The following DNAAF4 variants were observed in gnomAD, a reference collection of about 807,000 sequenced individuals.
The protein encoded by DNAAF4 is dynein assembly factor 4, axonemal.
DNAAF4 carries 43 observed loss-of-function variants against 51.8 expected under a neutral mutation model. That is an observed-to-expected ratio of 0.83 (90% CI 0.65 to 1.07). The LOEUF (loss-of-function observed/expected upper bound fraction) is 1.07, where lower values mean the gene tolerates loss of function less well. DNAAF4 is among the 50% of genes least tolerant of loss of function. The probability of loss-of-function intolerance (pLI) is 0.00; values close to 1 mark genes in which losing one functional copy is unlikely to be tolerated. For synonymous variants in DNAAF4, 194 were observed against 165.6 expected, an observed-to-expected ratio of 1.17 and a Z score of -1.32; for missense variants, 581 against 493.0, an observed-to-expected ratio of 1.18 and a Z score of -1.69.
At chr15:55,434,714 G>A (rs1595891790) in intron 8 of DNAAF4, among the ~76,000 whole-genome samples, 191 bp downstream of exon 8, 2 of 151,162 alleles carry the variant, frequency 1.3e-5, no homozygotes, top group Non-Finnish European at 2.9e-5. Flanking sequence ...ATTCATAGAA[G>A]TCACAAAAAA....
At chr15:55,473,213 ATATATATATG>A (rs1405655395) in intron 4 of DNAAF4, among the ~76,000 whole-genome samples, 1 of 127,614 alleles carries the variant, frequency 7.8e-6, no homozygotes, top group Non-Finnish European at 1.7e-5. Context: ...ATATATATAT[ATATATATATG>A]TGTGTGTGTA....
chr15:55,425,454 G>A (rs1204671047), downstream of DNAAF4, among the ~76,000 whole-genome samples: 1 of 152,102 alleles, frequency 6.6e-6, no homozygotes, highest in East Asian at 1.9e-4. Flanking sequence ...ACTTGTCCAT[G>A]CCATATTTGG....
At chr15:55,450,499 A>G in intron 5 of DNAAF4, 132 bp from the exon 6 acceptor site, 1 of 1,066,794 alleles carries the variant, frequency 9.4e-7, no homozygotes, top group Non-Finnish European at 1.3e-6. Flanking sequence ...TTTCTGCAAG[A>G]AAAGAATGCA....
chr15:55,448,413 T>C (rs907367668), intron 6 of DNAAF4, among the ~76,000 whole-genome samples: 3 of 145,700 alleles, frequency 2.1e-5, no homozygotes, highest in Non-Finnish European at 4.5e-5. Context: ...ATGCAGAAGG[T>C]CACTTGAGCC....
intron 5 of DNAAF4, among the ~76,000 whole-genome samples, chr15:55,456,082 CTTTTT>C: frequency 7.1e-6 from 1 of 141,400 alleles, no homozygotes; most frequent in East Asian, 2.0e-4. Context: ...CTAAATATTT[CTTTTT>C]TTTTTTTTTG....
intron 4 of DNAAF4, among the ~76,000 whole-genome samples, chr15:55,469,609 A>G (rs2058222913): frequency 7.0e-6 from 1 of 141,990 alleles, no homozygotes; most frequent in Admixed American, 7.6e-5. Flanking sequence ...CAGCCTCCCG[A>G]GTAGCTGGAA....
intron 5 of DNAAF4, among the ~76,000 whole-genome samples, chr15:55,453,809 C>A (rs1163212387): frequency 6.6e-6 from 1 of 151,882 alleles, no homozygotes; most frequent in East Asian, 1.9e-4. Context: ...CTCGGCCCCC[C>A]AAAGTGCTGG....
chr15:55,455,019 A>G (rs1020404351), intron 5 of DNAAF4, among the ~76,000 whole-genome samples: 1 of 150,158 alleles, frequency 6.7e-6, no homozygotes, highest in African/African-American at 2.4e-5. Context: ...AAACTTTATG[A>G]AAATGAATTT....
intron 5 of DNAAF4, among the ~76,000 whole-genome samples, chr15:55,456,243 C>T (rs1043547476): frequency 1.3e-5 from 2 of 151,788 alleles, no homozygotes; most frequent in East Asian, 1.9e-4. Context: ...CCACCACGTC[C>T]GGCTAGTTTT....
downstream of DNAAF4, among the ~76,000 whole-genome samples, chr15:55,428,430 G>A (rs554594104): frequency 4.0e-5 from 6 of 148,862 alleles, no homozygotes; most frequent in Admixed American, 6.7e-5. Context: ...CAGCTTGGAG[G>A]TTAAAAGCAA....
intron 4 of DNAAF4, among the ~76,000 whole-genome samples, chr15:55,468,716 A>G (rs951847805): frequency 1.3e-5 from 2 of 152,230 alleles, no homozygotes; most frequent in African/African-American, 2.4e-5. Flanking sequence ...TGAATTTTAC[A>G]TGAAGTTTTT....
chr15:55,480,789 A>G (rs2058398696), intron 4 of DNAAF4, among the ~76,000 whole-genome samples: 1 of 152,182 alleles, frequency 6.6e-6, no homozygotes, highest in Non-Finnish European at 1.5e-5. Flanking sequence ...ATGCCTTACA[A>G]AATCAGGTAG....
chr15:55,429,317 C>G (rs182115897), downstream of DNAAF4, among the ~76,000 whole-genome samples: 2 of 149,040 alleles, frequency 1.3e-5, no homozygotes, highest in African/African-American at 5.0e-5. Flanking sequence ...GTCAGCAGTT[C>G]GAGACCAACC....
chr15:55,505,850 G>A (rs2058724534), intron 1 of DNAAF4, among the ~76,000 whole-genome samples: 1 of 152,118 alleles, frequency 6.6e-6, no homozygotes, highest in Non-Finnish European at 1.5e-5. Flanking sequence ...AAACCAACAT[G>A]GCACATGTAT....
chr15:55,436,780 A>G (rs907274739), intron 7 of DNAAF4, among the ~76,000 whole-genome samples: 1 of 152,062 alleles, frequency 6.6e-6, no homozygotes, highest in African/African-American at 2.4e-5. Context: ...TGGCCTCTCA[A>G]AGTGCTGGGA....
chr15:55,440,288 T>C (rs2057687561), intron 6 of DNAAF4, among the ~76,000 whole-genome samples: 1 of 152,104 alleles, frequency 6.6e-6, no homozygotes, highest in Non-Finnish European at 1.5e-5. Context: ...CATGACCTCG[T>C]GATCCACCCA....
At position 55,497,991 on chromosome 15, in the gene DNAAF4, C is replaced by G; in HGVS notation, c.124-132G>C. 5 of 1,345,612 alleles carry G rather than the reference C, an allele frequency of 3.7e-6. No individual in the cohort carries two copies. The South Asian group carries it at 7.4e-5, about 20-fold the overall frequency. The allele number at this position is 1,345,612 out of a possible 1,614,324, so 83.4% of individuals were successfully genotyped here. On this transcript the variant is annotated intron_variant, in intron 2 of 9. Coordinates refer to ENST00000321149, the MANE Select transcript of DNAAF4 (RefSeq NM_130810.4). ...TTTATGCCAGGTAGTGAAAGATTAG[C>G]AAGGCATATGAGGAAGCCCTGGATA...
At chr15:55,437,680 G>C in intron 7 of DNAAF4, among the ~76,000 whole-genome samples, 1 of 152,192 alleles carries the variant, frequency 6.6e-6, no homozygotes, top group Non-Finnish European at 1.5e-5. Context: ...GGTAGAAGGA[G>C]GCAGGAGAGT....
In DNAAF4 at chr15:55,430,734, T is replaced by A; in HGVS notation, c.1199A>T (p.Lys400Ile). Residue 400 changes from lysine (K) to isoleucine (I), a missense_variant, in exon 10 of 10, where the codon AAA becomes ATA. Transcript: ENST00000321149. ...EAALKIDPSNKIVQIDAEKIR... is the reference protein window; with the variant it reads ...EAALKIDPSNIIVQIDAEKIR... ...CTTCTCAGCATCAATTTGTACAATT[T>A]TGTTGGATGGATCAATCTTAAGTGC... 1.2e-6 allele frequency: 2 copies of A among 1,613,500 alleles called. No homozygotes were observed. The highest frequency in any genetic ancestry group is 1.7e-6 in the Non-Finnish European group (2 of 1,179,662).
Sources: gnomAD v4.1 joint callset for allele counts (sites outside exome capture counted in the v4.1 genomes callset) on GRCh38, gnomAD v4.1.1 for gene constraint, MANE v1.5 for transcripts, NCBI Gene and HGNC (gene_info 2026-07-23, HGNC 2026-07-21) for gene names.